The following OSTM1 variants were observed in gnomAD, a reference collection of about 807,000 sequenced individuals.
OSTM1 encodes osteopetrosis-associated transmembrane protein 1.
Under a neutral mutation model 35.4 loss-of-function variants are expected in OSTM1, and 26 were observed. The ratio of observed to expected loss-of-function variants is 0.73; its 90% confidence interval spans 0.54 to 1.02. The LOEUF (loss-of-function observed/expected upper bound fraction) is 1.02. OSTM1 is among the 50% of genes least tolerant of loss of function. The pLI, the probability that OSTM1 is intolerant of heterozygous loss-of-function variation, is 0.00. For synonymous variants in OSTM1, 181 were observed against 165.0 expected, an observed-to-expected ratio of 1.10 and a Z score of -0.75; for missense variants, 366 against 409.6, an observed-to-expected ratio of 0.89 and a Z score of 0.92.
chr6:108,071,011 AC>A (rs1772473663), intron 1 of OSTM1, among the ~76,000 whole-genome samples: 2 of 148,218 alleles, frequency 1.3e-5, no homozygotes, highest in South Asian at 4.3e-4. Context: ...ACACGGTGAA[AC>A]CCCGTCTTTA....
chr6:108,073,228 A>G (rs1193359049), intron 1 of OSTM1, among the ~76,000 whole-genome samples: 6 of 152,236 alleles, frequency 3.9e-5, no homozygotes, highest in African/African-American at 7.2e-5. Flanking sequence ...AATAATTCCA[A>G]CCACATTTTC....
At position 108,042,036 on chromosome 6, in the gene OSTM1, GA is replaced by G. The variant is rs1771875762; in HGVS notation, c.*2748del. On this transcript the variant is annotated 3_prime_UTR_variant, in exon 6 of 6. Coordinates refer to ENST00000193322, the MANE Select transcript of OSTM1 (RefSeq NM_014028.4). ...GCAATCCTAATTAGCATTGTTCCAG[GA>G]AAACATTTCATTTTATAGGGAGCAT... 1 of 151,898 alleles carries G rather than the reference GA, an allele frequency of 6.6e-6. No homozygotes were observed. Among genetic ancestry groups the G allele is most frequent in the South Asian group, 2.1e-4 (1 of 4,822 alleles). The allele number at this position is 151,898 out of a possible 1,614,324, so 9.4% of individuals were successfully genotyped here. A position where few individuals can be genotyped will look rare whatever the true frequency, so the allele number is the denominator to read the frequency against.
intron 3 of OSTM1, among the ~76,000 whole-genome samples, chr6:108,053,627 G>A (rs528475967): frequency 3.3e-5 from 5 of 152,200 alleles, no homozygotes; most frequent in Non-Finnish European, 7.4e-5. Context: ...CACCAAGCCT[G>A]GCTAAGTTTT....
rs141067397 is a variant in OSTM1, at chr6:108,049,937, T to C, written c.784-519A>G. ...TGATAATTCACACATTCTCAATTCT[T>C]AAGCTCATTAATTCTGACCTCAAGT... On this transcript the variant is annotated intron_variant, in intron 4 of 5. Coordinates refer to ENST00000193322, the MANE Select transcript of OSTM1 (RefSeq NM_014028.4). 5.3e-5 allele frequency among the ~76,000 whole-genome samples: 8 copies of C among 152,306 alleles called. No individual in the cohort carries two copies. In the East Asian group the frequency reaches 1.5e-3, roughly 29 times the overall value.
chr6:108,073,945 G>GA (rs1772533815), intron 1 of OSTM1: 1 of 448,292 alleles, frequency 2.2e-6, no homozygotes. Context: ...TCCAGGTGAA[G>GA]ATGAGAAGAA....
Position 108,074,436 on chromosome 6 carries a change from CG to C in OSTM1, c.215del (p.Ser72CysfsTer27), listed in dbSNP as rs1448707790. The C allele has an allele frequency of 1.3e-6, 2 of 1,559,244 alleles. No homozygotes were observed. The stretch of plus-strand genomic sequence containing the variant: ...CCAGATCCGGCAGGTCCGGGGGCAG[CG>C]ACAGAGGCCCCAGCCCTCCACCCTG... ...LLQGGGLGPL[S>X]LPPDLPDLDP... On this transcript the variant is annotated frameshift_variant, in exon 1 of 6. Coordinates refer to ENST00000193322, the MANE Select transcript of OSTM1 (RefSeq NM_014028.4). LOFTEE classifies it high-confidence loss of function.
In OSTM1 at chr6:108,044,781, G is replaced by C. The variant is rs1395914699; in HGVS notation, c.*4C>G. 1 of 1,540,220 alleles carries C rather than the reference G, an allele frequency of 6.5e-7. No homozygotes were observed. On this transcript the variant is annotated 3_prime_UTR_variant, in exon 6 of 6. Coordinates refer to ENST00000193322, the MANE Select transcript of OSTM1 (RefSeq NM_014028.4). Reference sequence around the variant, plus strand: ...TGATATGTCAATTCTCCATTTTGTAGGTCTCAGTTTGAATTTTCCTGAATA... The same window carrying C: ...TGATATGTCAATTCTCCATTTTGTACGTCTCAGTTTGAATTTTCCTGAATA...
intron 5 of OSTM1, among the ~76,000 whole-genome samples, chr6:108,048,689 C>T (rs1164212950): frequency 6.6e-6 from 1 of 150,942 alleles, no homozygotes; most frequent in Non-Finnish European, 1.5e-5. Flanking sequence ...TGTTGCCAAC[C>T]TTATTCCAGG....
chr6:108,072,337 C>T (rs1292803239), intron 1 of OSTM1, among the ~76,000 whole-genome samples: 3 of 152,078 alleles, frequency 2.0e-5, no homozygotes, highest in Admixed American at 6.5e-5. Flanking sequence ...TTATTTACCT[C>T]GAAAATATGT....
rs1308060495 is a variant in OSTM1 at position 108,064,199 on chromosome 6, T to C, written c.503A>G (p.Glu168Gly). 66 of 1,556,618 alleles carry C rather than the reference T, an allele frequency of 4.2e-5. No homozygotes were observed. Among genetic ancestry groups the C allele is most frequent in the Non-Finnish European group, 5.8e-5 (66 of 1,129,566 alleles). ...GAATTACTTACTTGCACAATTTGCC[T>C]CCTGCCATGTGGTATTAAAAAATTC... ...LSEFFNTTWQ[E>G]ANCANCLTNN... The change falls in exon 2 of 6, where the codon GAG (glutamate) becomes GGG (glycine). Residue 168 changes from glutamate to glycine, a missense_variant. Physicochemically the swap from Glu to Gly is moderately conservative, Grantham distance 98. Coordinates refer to ENST00000193322, the MANE Select transcript of OSTM1 (RefSeq NM_014028.4).
At chr6:108,062,497 T>C (rs1426749704) in intron 2 of OSTM1, among the ~76,000 whole-genome samples, 2 of 151,858 alleles carry the variant, frequency 1.3e-5, no homozygotes, top group African/African-American at 2.4e-5. Context: ...GAATACTATA[T>C]AATCATAATA....
At position 108,044,397 on chromosome 6, in the gene OSTM1, T is replaced by C. The variant is rs1771928958; in HGVS notation, c.*388A>G. 6.2e-6 allele frequency: 1 copy of C among 161,926 alleles called. No individual in the cohort carries two copies. The highest frequency in any genetic ancestry group is 1.4e-5 in the Non-Finnish European group (1 of 73,946). 10.0% of individuals were successfully genotyped at this position (161,926 alleles called of 1,614,324 possible). A position where few individuals can be genotyped will look rare whatever the true frequency, so the allele number is the denominator to read the frequency against. ...AAGTACATTTCTTTTTCAAAGTCTTTACTGTAACTGATTAATTTTTAAATG... is the reference window on the plus strand; with the variant it reads ...AAGTACATTTCTTTTTCAAAGTCTTCACTGTAACTGATTAATTTTTAAATG... On this transcript the variant is annotated 3_prime_UTR_variant, in exon 6 of 6. Coordinates refer to ENST00000193322, the MANE Select transcript of OSTM1 (RefSeq NM_014028.4).
rs528302868 is a variant in OSTM1, at chr6:108,051,273, G to A, written c.616-75C>T. The A allele has an allele frequency of 3.0e-5, 33 of 1,109,682 alleles. No homozygotes were observed. The African/African-American group carries it at 4.5e-4, about 15-fold the overall frequency. 68.7% of individuals were successfully genotyped at this position (1,109,682 alleles called of 1,614,324 possible). On this transcript the variant is annotated intron_variant, in intron 3 of 5. Transcript: ENST00000193322. The stretch of plus-strand genomic sequence containing the variant: ...TATCTCTTTAATGTAAGCTATTTAC[G>A]CTTCTAGAAGACGGGAAACAATATG...
rs1249979738 is a variant in OSTM1 at position 108,074,271 on chromosome 6, G to A, written c.381C>T (p.Asp127=). The part of the protein sequence containing the change: ...PLFQQVVSKM[D]NISRAAGNTS... ...CCACCCCCGCGGCTCGGCTGATGTT[G>A]TCCATCTTGCTGACGACCTGTTGGA... The change falls in exon 1 of 6, where the codon GAC becomes GAT. Residue 127 remains aspartate, a synonymous_variant. Coordinates refer to ENST00000193322, the MANE Select transcript of OSTM1 (RefSeq NM_014028.4). The A allele has an allele frequency of 6.2e-7, 1 of 1,612,360 alleles. No homozygotes were observed. Among genetic ancestry groups the A allele is most frequent in the Non-Finnish European group, 8.5e-7 (1 of 1,179,988 alleles).
Position 108,044,459 on chromosome 6 carries a change from G to T in OSTM1, c.*326C>A. On this transcript the variant is annotated 3_prime_UTR_variant, in exon 6 of 6. Transcript: ENST00000193322. ...AAACTTTTCTACTTGAGATATTTAT[G>T]TTAGTAAGAAGATACCAGAAGTCTA... 1 of 182,330 alleles carries T rather than the reference G, an allele frequency of 5.5e-6. No individual in the cohort carries two copies. The highest frequency in any genetic ancestry group is 1.1e-5 in the Non-Finnish European group (1 of 88,054). The allele number at this position is 182,330 out of a possible 1,614,324, so 11.3% of individuals were successfully genotyped here.
At chr6:108,068,440 C>T (rs1430987105) in intron 1 of OSTM1, among the ~76,000 whole-genome samples, 5 of 152,160 alleles carry the variant, frequency 3.3e-5, no homozygotes, top group Admixed American at 2.0e-4. Flanking sequence ...TAATGATCTT[C>T]GCCCACTAAA....
At chr6:108,056,952 T>C (rs944524878) in intron 2 of OSTM1, among the ~76,000 whole-genome samples, 1 of 152,164 alleles carries the variant, frequency 6.6e-6, no homozygotes, top group Non-Finnish European at 1.5e-5. Flanking sequence ...GATATAAAAA[T>C]AGGCCAGCAT....
intron 2 of OSTM1, among the ~76,000 whole-genome samples, chr6:108,058,363 A>C (rs563260479): frequency 3.9e-5 from 6 of 152,320 alleles, no homozygotes; most frequent in Non-Finnish European, 8.8e-5. Flanking sequence ...ATAAAAATAA[A>C]CTACGGCAAC....
intron 3 of OSTM1, among the ~76,000 whole-genome samples, chr6:108,051,626 C>T (rs1772075863): frequency 6.6e-6 from 1 of 152,152 alleles, no homozygotes; most frequent in South Asian, 2.1e-4. Context: ...AAAATAGGTT[C>T]CTGCCTATGC....
Sources: gnomAD v4.1 joint callset for allele counts (sites outside exome capture counted in the v4.1 genomes callset) on GRCh38, gnomAD v4.1.1 for gene constraint, MANE v1.5 for transcripts, NCBI Gene and HGNC (gene_info 2026-07-23, HGNC 2026-07-21) for gene names.